TBC1D22A: variants seen among roughly 807,000 people sequenced by gnomAD.
TBC1D22A encodes the protein TBC1 domain family member 22A.
Under a neutral mutation model 60.2 loss-of-function variants are expected in TBC1D22A, and 38 were observed. The observed-to-expected ratio is 0.63, with a 90% confidence interval of 0.49 to 0.83. TBC1D22A has a LOEUF of 0.83. Among genes scored for constraint, TBC1D22A ranks in the 40% least tolerant of loss-of-function variants. The pLI is 0.00. For missense variants in TBC1D22A, 628 were observed against 701.0 expected, an observed-to-expected ratio of 0.90 and a Z score of 1.18; for synonymous variants, 302 against 281.7, an observed-to-expected ratio of 1.07 and a Z score of -0.72.
At chr22:46,923,814 C>G (rs2070895158) in intron 8 of TBC1D22A, among the ~76,000 whole-genome samples, 1 of 152,198 alleles carries the variant, frequency 6.6e-6, no homozygotes, top group Admixed American at 6.5e-5. Flanking sequence ...TAGGCTTTTC[C>G]TTGTATTAAG....
chr22:46,953,368 A>G (rs1395111883), intron 8 of TBC1D22A, among the ~76,000 whole-genome samples: 1 of 152,078 alleles, frequency 6.6e-6, no homozygotes, highest in East Asian at 1.9e-4. Flanking sequence ...AGTTCCTTTT[A>G]TTGGTGGATT....
intron 11 of TBC1D22A, among the ~76,000 whole-genome samples, chr22:47,111,165 CTG>C (rs111536868): frequency 2.6e-5 from 4 of 152,340 alleles, no homozygotes; most frequent in African/African-American, 9.6e-5. Context: ...GGAGTAGACT[CTG>C]TGTCTGGCAT....
intron 12 of TBC1D22A, among the ~76,000 whole-genome samples, chr22:47,155,411 G>A (rs1413611366): frequency 6.6e-6 from 1 of 152,092 alleles, no homozygotes; most frequent in Non-Finnish European, 1.5e-5. Flanking sequence ...GGTCCAGAAC[G>A]TCACAAGATT....
intron 9 of TBC1D22A, among the ~76,000 whole-genome samples, chr22:46,988,087 AAAAG>A (rs1160065505): frequency 6.6e-6 from 1 of 152,206 alleles, no homozygotes; most frequent in African/African-American, 2.4e-5. Flanking sequence ...AAGAAAAAAA[AAAAG>A]AAACCACTTT....
rs2067703995 is a variant in TBC1D22A, at chr22:46,878,835, T to C, written c.708+112T>C. On this transcript the variant is annotated intron_variant, in intron 5 of 12. Coordinates refer to ENST00000337137, the MANE Select transcript of TBC1D22A (RefSeq NM_014346.5). ...AGCCCACGGGTTTGCCTTGGCTTTG[T>C]TGCAGTGATAAAGGCCTTTGCTATG... The C allele has an allele frequency of 6.3e-6, 6 of 954,650 alleles. No individual in the cohort carries two copies. The Admixed American group carries it at 1.3e-4, about 21-fold the overall frequency. The allele number at this position is 954,650 out of a possible 1,614,324, so 59.1% of individuals were successfully genotyped here. A position where few individuals can be genotyped will look rare whatever the true frequency, so the allele number is the denominator to read the frequency against.
chr22:47,170,967 CG>C (rs962817863), intron 12 of TBC1D22A, among the ~76,000 whole-genome samples: 27 of 152,180 alleles, frequency 1.8e-4, no homozygotes, highest in Non-Finnish European at 3.1e-4. Flanking sequence ...CCGGGATGGC[CG>C]GGGGGCCTGC....
chr22:46,951,734 A>G (rs1458349920), intron 8 of TBC1D22A, among the ~76,000 whole-genome samples: 1 of 152,208 alleles, frequency 6.6e-6, no homozygotes, highest in Non-Finnish European at 1.5e-5. Flanking sequence ...AAATTCATAA[A>G]CCTGATTTAT....
Position 46,777,256 on chromosome 22 carries a change from T to C in TBC1D22A, c.62+14408T>C, listed in dbSNP as rs547654790. ...ACAGAGGGTTTTCGATGCCAGGACA[T>C]GGGCCAGTGAGAGCCAGGGGCCGCC... On this transcript the variant is annotated intron_variant, in intron 1 of 12. Coordinates refer to ENST00000337137, the MANE Select transcript of TBC1D22A (RefSeq NM_014346.5). This position sits in a 1 kb window ranked among gnomAD's most constrained non-coding sequence, Gnocchi z 4.5. 2.7e-5 allele frequency among the ~76,000 whole-genome samples: 3 copies of C among 110,688 alleles called. No individual in the cohort carries two copies. The highest frequency in any genetic ancestry group is 8.6e-5 in the African/African-American group (3 of 34,854). The allele number at this position is 110,688 out of a possible 152,430, so 72.6% of individuals were successfully genotyped here.
intron 4 of TBC1D22A, among the ~76,000 whole-genome samples, chr22:46,845,939 C>T (rs578068347): frequency 2.6e-5 from 4 of 152,276 alleles, no homozygotes; most frequent in East Asian, 3.9e-4. Flanking sequence ...GCAGTCGGCC[C>T]GCAGGAGCAG....
intron 1 of TBC1D22A, among the ~76,000 whole-genome samples, chr22:46,787,963 G>A (rs1231570218): frequency 1.4e-5 from 2 of 144,410 alleles, no homozygotes; most frequent in African/African-American, 2.6e-5. Flanking sequence ...TTGGGACGGA[G>A]TCTTACTCTG....
chr22:46,913,200 C>T, intron 8 of TBC1D22A: 1 of 497,406 alleles, frequency 2.0e-6, no homozygotes, highest in South Asian at 2.0e-5. Context: ...TTTAATGCGT[C>T]TATGGATAAA....
intron 1 of TBC1D22A, among the ~76,000 whole-genome samples, chr22:46,770,979 T>A (rs1601794461): frequency 6.6e-6 from 1 of 152,216 alleles, no homozygotes; most frequent in East Asian, 1.9e-4. Flanking sequence ...GGGTGAGATT[T>A]TGCTGTAGGT....
intron 10 of TBC1D22A, among the ~76,000 whole-genome samples, chr22:47,011,366 C>G (rs1183190667): frequency 1.1e-4 from 16 of 152,194 alleles, no homozygotes; most frequent in Admixed American, 9.8e-4. Context: ...GCATCTTGTG[C>G]CTTATGGTGC....
intron 1 of TBC1D22A, among the ~76,000 whole-genome samples, chr22:46,788,436 G>T (rs1031637012): frequency 2.6e-5 from 4 of 152,180 alleles, no homozygotes; most frequent in Non-Finnish European, 4.4e-5. Context: ...AAAAGAAACG[G>T]CATGTTGAGC....
At chr22:46,961,153 A>C (rs570067464) in intron 8 of TBC1D22A, among the ~76,000 whole-genome samples, 6 of 152,198 alleles carry the variant, frequency 3.9e-5, no homozygotes, top group Non-Finnish European at 8.8e-5. Flanking sequence ...TTTTTATCCT[A>C]GGCAGCTTTC....
intron 1 of TBC1D22A, chr22:46,763,121 C>T (rs1225149359): frequency 1.2e-5 from 5 of 427,714 alleles, no homozygotes; most frequent in African/African-American, 8.3e-5. Context: ...CCGAGAAACT[C>T]CTGGGCTCCT....
intron 2 of TBC1D22A, 137 bp downstream of exon 2, chr22:46,792,713 C>T (rs1423910513): frequency 1.3e-6 from 2 of 1,571,958 alleles, no homozygotes; most frequent in Non-Finnish European, 1.7e-6. Flanking sequence ...CCACACTGAT[C>T]AAGCAGTCGC....
At chr22:46,789,939 G>A (rs887279730) in intron 1 of TBC1D22A, among the ~76,000 whole-genome samples, 1 of 152,148 alleles carries the variant, frequency 6.6e-6, no homozygotes, top group African/African-American at 2.4e-5. Flanking sequence ...TCCAAGTGTC[G>A]TCCCCAAAGT....
intron 10 of TBC1D22A, among the ~76,000 whole-genome samples, chr22:47,025,563 C>A (rs1464831639): frequency 6.6e-6 from 1 of 152,166 alleles, no homozygotes; most frequent in African/African-American, 2.4e-5. Context: ...ACAATAAAAT[C>A]CAACACTTCA....
Sources: allele counts gnomAD v4.1 joint callset (sites outside exome capture counted in the v4.1 genomes callset), GRCh38; gene constraint gnomAD v4.1.1; non-coding constraint Gnocchi (gnomAD v3.1); transcripts MANE v1.5; gene names NCBI Gene and HGNC (gene_info 2026-07-23, HGNC 2026-07-21).